Variants in PHF20 observed in about 807,000 individuals in gnomAD.
PHF20 encodes PHD finger protein 20.
Under a neutral mutation model 113.5 loss-of-function variants are expected in PHF20, and 23 were observed. The observed-to-expected ratio is 0.20, with a 90% confidence interval of 0.15 to 0.29. PHF20 has a LOEUF of 0.29. Among genes scored for constraint, PHF20 ranks in the 10% least tolerant of loss-of-function variants. The probability of loss-of-function intolerance (pLI) is 1.00; values close to 1 mark genes in which losing one functional copy is unlikely to be tolerated. For synonymous variants in PHF20, 434 were observed against 457.3 expected (o/e 0.95, Z 0.65); for missense variants, 943 against 1,219.6 (o/e 0.77, Z 3.38).
intron 1 of PHF20, among the ~76,000 whole-genome samples, chr20:35,780,606 G>A (rs2041273628): frequency 6.7e-6 from 1 of 148,164 alleles, no homozygotes; most frequent in Non-Finnish European, 1.5e-5. Flanking sequence ...GAAGGCAGTG[G>A]CATGATCTTG....
At chr20:35,896,366 C>T (rs567112066) in intron 9 of PHF20, among the ~76,000 whole-genome samples, 6 of 151,850 alleles carry the variant, frequency 4.0e-5, no homozygotes, top group African/African-American at 9.7e-5. Context: ...CATTGCATAC[C>T]GAATTCCTAA....
chr20:35,908,195 T>C (rs1231715189), intron 10 of PHF20, among the ~76,000 whole-genome samples: 2 of 152,230 alleles, frequency 1.3e-5, no homozygotes, highest in African/African-American at 4.8e-5. Context: ...AGTGCCTCCC[T>C]GCAGGAGACT....
intron 10 of PHF20, among the ~76,000 whole-genome samples, chr20:35,903,324 C>G (rs1430588858): frequency 3.3e-5 from 5 of 152,042 alleles, no homozygotes; most frequent in Non-Finnish European, 7.4e-5. Flanking sequence ...AAACAAGAGT[C>G]TTTTAAATCC....
At chr20:35,872,765 A>G (rs1298935105) in intron 9 of PHF20, among the ~76,000 whole-genome samples, 1 of 152,210 alleles carries the variant, frequency 6.6e-6, no homozygotes, top group Non-Finnish European at 1.5e-5. Context: ...CATACTCTGT[A>G]GGATTTCAAT....
At chr20:35,775,089 G>C (rs1451378584) in intron 1 of PHF20, 1 of 152,166 alleles carries the variant, frequency 6.6e-6, no homozygotes, top group East Asian at 1.9e-4. Flanking sequence ...TTGGCTGCTT[G>C]ATACTTTATC....
intron 2 of PHF20, among the ~76,000 whole-genome samples, chr20:35,837,009 A>G (rs2042454199): frequency 6.6e-6 from 1 of 151,658 alleles, no homozygotes; most frequent in South Asian, 2.1e-4. Flanking sequence ...GTTTCTACAA[A>G]AAATACCAAA....
chr20:35,847,443 T>G lies in PHF20; in HGVS notation c.340+9T>G, dbSNP rs1287862306. 6.3e-7 allele frequency: 1 copy of G among 1,592,654 alleles called. No homozygotes were observed. On this transcript the variant is annotated intron_variant, in intron 4 of 17. Coordinates refer to ENST00000374012, the MANE Select transcript of PHF20 (RefSeq NM_016436.5). ...TGCTGTTAACAAGGATGGTAAGGCA[T>G]TTGAGTTGTAGTTGTTTTTACTCAT...
intron 3 of PHF20, among the ~76,000 whole-genome samples, chr20:35,845,798 G>C (rs1426959658): frequency 1.2e-5 from 1 of 80,106 alleles, no homozygotes; most frequent in African/African-American, 5.3e-5. Flanking sequence ...TTTTTTTTTT[G>C]AGGCAGTCTT....
intron 4 of PHF20, 49 bp downstream of exon 4, chr20:35,847,483 G>A (rs773568578): frequency 5.2e-6 from 6 of 1,162,568 alleles, no homozygotes; most frequent in Non-Finnish European, 7.7e-6. Flanking sequence ...TAGGTGGTGG[G>A]GGGGGATGTT....
intron 1 of PHF20, among the ~76,000 whole-genome samples, chr20:35,780,380 G>C (rs990179318): frequency 7.0e-6 from 1 of 143,668 alleles, no homozygotes; most frequent in African/African-American, 2.6e-5. Flanking sequence ...TGCCCTCCAC[G>C]ATGCCCGGCT....
At chr20:35,842,068 G>A (rs1018095081) in intron 2 of PHF20, among the ~76,000 whole-genome samples, 3 of 152,112 alleles carry the variant, frequency 2.0e-5, no homozygotes, top group African/African-American at 7.2e-5. Context: ...TAAACTGGCC[G>A]GGCACAGTGG....
In PHF20 at chr20:35,816,250, C is replaced by T. The variant is rs552597418; in HGVS notation, c.83+14645C>T. Among the ~76,000 whole-genome samples, 29 of 152,142 alleles carry T rather than the reference C, an allele frequency of 1.9e-4. No individual in the cohort carries two copies. The South Asian group carries it at 3.3e-3, about 17-fold the overall frequency. Reference sequence around the variant, plus strand: ...GATTACAGGCGTGAGCCACTGCACCCGGCCCGAAAATCTTTGTTCCTAATC... The same window carrying T: ...GATTACAGGCGTGAGCCACTGCACCTGGCCCGAAAATCTTTGTTCCTAATC... On this transcript the variant is annotated intron_variant, in intron 2 of 17. Transcript: ENST00000374012.
intron 17 of PHF20, among the ~76,000 whole-genome samples, chr20:35,943,821 A>C (rs1181450160): frequency 6.6e-6 from 1 of 151,678 alleles, no homozygotes; most frequent in African/African-American, 2.4e-5. Context: ...GGGTTTCACT[A>C]TGTTGGCCAG....
rs565560941 is a variant in PHF20, at chr20:35,859,860, G to A, written c.420+1479G>A. The stretch of plus-strand genomic sequence containing the variant: ...GCGCCTGGCCCTCTGTTGTGTCTTT[G>A]TGATGATGAAATGATTCTACTTATC... On this transcript the variant is annotated intron_variant, in intron 5 of 17. Coordinates refer to ENST00000374012, the MANE Select transcript of PHF20 (RefSeq NM_016436.5). 9.2e-5 allele frequency among the ~76,000 whole-genome samples: 14 copies of A among 152,130 alleles called. No individual in the cohort carries two copies. In the South Asian group the frequency reaches 1.9e-3, roughly 20 times the overall value.
intron 13 of PHF20, 30 bp downstream of exon 13, chr20:35,917,692 G>A: frequency 6.3e-7 from 1 of 1,591,952 alleles, no homozygotes; most frequent in Non-Finnish European, 8.6e-7. Context: ...AACAGGTCTA[G>A]AGAAGCACAA....
chr20:35,863,183 A>G lies in PHF20; in HGVS notation c.591A>G (p.Glu197=), dbSNP rs767189272. ...TEKRPKQPDK[E]GKLICSEKGK... Reference sequence around the variant, plus strand: ...AGCGACCCAAGCAGCCTGATAAAGAAGGAAAGTTAATCTGTTCTGAAAAGG... The same window carrying G: ...AGCGACCCAAGCAGCCTGATAAAGAGGGAAAGTTAATCTGTTCTGAAAAGG... Residue 197 remains glutamate (E), a synonymous_variant, in exon 6 of 18, where the codon GAA becomes GAG. Transcript: ENST00000374012. The G allele has an allele frequency of 1.9e-6, 3 of 1,613,608 alleles. No individual in the cohort carries two copies. Among genetic ancestry groups the G allele is most frequent in the South Asian group, 1.1e-5 (1 of 90,972 alleles).
intron 4 of PHF20, among the ~76,000 whole-genome samples, chr20:35,847,947 C>T (rs918194440): frequency 3.3e-5 from 5 of 152,122 alleles, no homozygotes; most frequent in Admixed American, 6.6e-5. Context: ...GGATGGGGAA[C>T]TTGACTAATA....
In PHF20 at chr20:35,947,617, G is replaced by C; in HGVS notation, c.3029G>C (p.Cys1010Ser). Residue 1010 changes from cysteine (C) to serine (S), a missense_variant, in exon 18 of 18, where the codon TGC (cysteine) becomes TCC (serine). Cys to Ser is a moderately radical substitution (Grantham distance 112). Transcript: ENST00000374012. ...AAGGTGCAGCAGATCGCCCTCTGCT[G>C]CTCAACATGAAACTGGGCACCCAAA... The part of the protein sequence containing the change: ...LGKVQQIALC[C>S]ST 1 of 1,613,620 alleles carries C rather than the reference G, an allele frequency of 6.2e-7. No individual in the cohort carries two copies. The highest frequency in any genetic ancestry group is 2.2e-5 in the East Asian group (1 of 44,862).
chr20:35,938,701 C>A lies in PHF20; in HGVS notation c.2305C>A (p.Arg769=). The A allele has an allele frequency of 1.2e-6, 2 of 1,603,926 alleles. No individual in the cohort carries two copies. The highest frequency in any genetic ancestry group is 1.3e-5 in the African/African-American group (1 of 74,742). The part of the protein sequence containing the change: ...LQLKMSILQS[R]EHPDLPLWCQ... ...TCCTCTTTGTCCTCTCAACAGAAGC[C>A]GGGAGCATCCTGATCTGCCGCTGTG... The change falls in exon 16 of 18, where the codon CGG becomes AGG. Residue 769 remains arginine, a synonymous_variant. Coordinates refer to ENST00000374012, the MANE Select transcript of PHF20 (RefSeq NM_016436.5).
Sources: allele counts gnomAD v4.1 joint callset (sites outside exome capture counted in the v4.1 genomes callset), GRCh38; gene constraint gnomAD v4.1.1; transcripts MANE v1.5; gene names NCBI Gene and HGNC (gene_info 2026-07-23, HGNC 2026-07-21).